PUM3: variants seen among roughly 807,000 people sequenced by gnomAD.
The protein encoded by PUM3 is pumilio homolog 3.
Under a neutral mutation model 84.0 loss-of-function variants are expected in PUM3, and 91 were observed. That is an observed-to-expected ratio of 1.08 (90% CI 0.91 to 1.29). PUM3 has a LOEUF of 1.29. Among genes scored for constraint, PUM3 ranks in the 50% most tolerant of loss-of-function variants. The pLI, the probability that PUM3 is intolerant of heterozygous loss-of-function variation, is 0.00. For missense variants in PUM3, 1,067 were observed against 767.5 expected, an observed-to-expected ratio of 1.39 and a Z score of -4.61; for synonymous variants, 321 against 266.7, an observed-to-expected ratio of 1.20 and a Z score of -1.98.
At position 2,820,819 on chromosome 9, in the gene PUM3, CT is replaced by C. The variant is rs1289509643; in HGVS notation, c.1189-722del. Among the ~76,000 whole-genome samples, 3 of 152,100 alleles carry C rather than the reference CT, an allele frequency of 2.0e-5. No homozygotes were observed. In the East Asian group the frequency reaches 5.8e-4, roughly 29 times the overall value. Reference sequence around the variant, plus strand: ...CACATGTGGCTTTCACAACACTCATCTTTTGAAATAAAATTATTTCCATGAT... The same window carrying C: ...CACATGTGGCTTTCACAACACTCATCTTTGAAATAAAATTATTTCCATGAT... On this transcript the variant is annotated intron_variant, in intron 12 of 17. Coordinates refer to ENST00000397885, the MANE Select transcript of PUM3 (RefSeq NM_014878.5).
At chr9:2,832,489 T>G (rs1332507891) in intron 5 of PUM3, among the ~76,000 whole-genome samples, 1 of 152,134 alleles carries the variant, frequency 6.6e-6, no homozygotes, top group Non-Finnish European at 1.5e-5. Flanking sequence ...AAATAATCAA[T>G]AAAGAAGTTA....
intron 12 of PUM3, among the ~76,000 whole-genome samples, chr9:2,822,458 T>C (rs968213766): frequency 1.3e-5 from 2 of 151,942 alleles, no homozygotes; most frequent in Non-Finnish European, 2.9e-5. Flanking sequence ...TGGGTAACGT[T>C]AGCTTATCAC....
chr9:2,812,173 A>G, intron 14 of PUM3, 47 bp downstream of exon 14: 2 of 1,550,926 alleles, frequency 1.3e-6, no homozygotes, highest in South Asian at 1.1e-5. Flanking sequence ...GCACTACTCA[A>G]CATTAACAGA....
intron 1 of PUM3, among the ~76,000 whole-genome samples, chr9:2,841,714 C>CAAA (rs766046609): frequency 2.9e-4 from 29 of 98,434 alleles, no homozygotes; most frequent in African/African-American, 1.0e-3. Flanking sequence ...TGCTGCAGGC[C>CAAA]AAAAAAAAAA....
intron 17 of PUM3, 90 bp from the exon 18 acceptor site, chr9:2,804,553 T>C: frequency 8.2e-7 from 1 of 1,221,026 alleles, no homozygotes; most frequent in Non-Finnish European, 1.1e-6. Flanking sequence ...CTTTGTTAAC[T>C]GTGACACAAG....
intron 11 of PUM3, 53 bp downstream of exon 11, chr9:2,824,664 A>G: frequency 8.5e-7 from 1 of 1,178,822 alleles, no homozygotes; most frequent in Admixed American, 2.8e-5. Context: ...GCCTGCAGAT[A>G]AAGCATGGCC....
chr9:2,832,969 G>A (rs1188909388), intron 5 of PUM3, among the ~76,000 whole-genome samples: 3 of 152,106 alleles, frequency 2.0e-5, no homozygotes, highest in Non-Finnish European at 4.4e-5. Context: ...AAGCATGGAG[G>A]AAAAGAATGA....
intron 1 of PUM3, 137 bp from the exon 2 acceptor site, chr9:2,838,654 G>C (rs142923194): frequency 9.5e-5 from 55 of 579,724 alleles, no homozygotes; most frequent in African/African-American, 8.8e-4. Flanking sequence ...GAATGGACAA[G>C]TACTTAAATC....
intron 12 of PUM3, among the ~76,000 whole-genome samples, chr9:2,822,718 A>G (rs1185791119): frequency 8.8e-6 from 1 of 113,124 alleles, no homozygotes; most frequent in Non-Finnish European, 1.9e-5. Context: ...AATTATATTT[A>G]TATTTATAAC....
At chr9:2,828,103 A>G (rs1462188674) in intron 9 of PUM3, among the ~76,000 whole-genome samples, 2 of 152,116 alleles carry the variant, frequency 1.3e-5, no homozygotes, top group African/African-American at 4.8e-5. Flanking sequence ...GCAGTGGCAC[A>G]ACCATGGCTC....
Position 2,810,369 on chromosome 9 carries a change from T to A in PUM3, c.1698A>T (p.Lys566Asn). The A allele has an allele frequency of 6.2e-7, 1 of 1,610,800 alleles. No individual in the cohort carries two copies. Among genetic ancestry groups the A allele is most frequent in the Non-Finnish European group, 8.5e-7 (1 of 1,177,490 alleles). The change falls in exon 16 of 18, where the codon AAA becomes AAT. Residue 566 changes from lysine (K) to asparagine (N), a missense_variant. Coordinates refer to ENST00000397885, the MANE Select transcript of PUM3 (RefSeq NM_014878.5). ...LVLKWLIEQD[K>N]KMKENGREGC... is the part of the protein sequence containing the mutation. ...CTTCTCTCCCATTTTCTTTCATCTT[T>A]TTATCTTGCTCTATTAACCACTTCA...
At position 2,828,819 on chromosome 9, in the gene PUM3, C is replaced by G. The variant is rs1267506275; in HGVS notation, c.853-41G>C. 3.6e-6 allele frequency: 4 copies of G among 1,100,926 alleles called. No individual in the cohort carries two copies. In the South Asian group the frequency reaches 5.3e-5, roughly 15 times the overall value. 68.2% of individuals were successfully genotyped at this position (1,100,926 alleles called of 1,614,324 possible). ...ACAATCAAACCCCTCTAAATTTAAT[C>G]AATTTTTTCACTTCAGGAAAAAGAA... On this transcript the variant is annotated intron_variant, in intron 8 of 17. Coordinates refer to ENST00000397885, the MANE Select transcript of PUM3 (RefSeq NM_014878.5).
rs149507045 is a variant in PUM3 at position 2,842,753 on chromosome 9, A to G, written c.-11+1292T>C. Among the ~76,000 whole-genome samples the G allele has an allele frequency of 3.0e-3, 452 of 152,180 alleles. 1 individual carries two copies. Among genetic ancestry groups the G allele is most frequent in the Admixed American group, 3.9e-3 (59 of 15,278 alleles). On this transcript the variant is annotated intron_variant, in intron 1 of 17. Transcript: ENST00000397885. ...TATAACTGCTTATCTGATACCTCTAATTATGTGTCTAACAGGAACCTTACC... is the reference window on the plus strand; with the variant it reads ...TATAACTGCTTATCTGATACCTCTAGTTATGTGTCTAACAGGAACCTTACC...
chr9:2,837,229 T>C lies in PUM3; in HGVS notation c.255A>G (p.Ala85=), dbSNP rs780873612. Residue 85 remains alanine (A), a synonymous_variant, in exon 3 of 18, where the codon GCA becomes GCG. Coordinates refer to ENST00000397885, the MANE Select transcript of PUM3 (RefSeq NM_014878.5). ...DKSPKNKFQP[A]NKFNKKRKFQ... Reference sequence around the variant, plus strand: ...ATTTTCTCTTCTTGTTGAATTTATTTGCCGGCTGGAATTTGTTCTTTGGTG... The same window carrying C: ...ATTTTCTCTTCTTGTTGAATTTATTCGCCGGCTGGAATTTGTTCTTTGGTG... 1.2e-6 allele frequency: 2 copies of C among 1,614,068 alleles called. No homozygotes were observed. The highest frequency in any genetic ancestry group is 3.3e-5 in the Admixed American group (2 of 60,014).
At position 2,835,204 on chromosome 9, in the gene PUM3, G is replaced by A. The variant is rs139665120; in HGVS notation, c.305-1038C>T. On this transcript the variant is annotated intron_variant, in intron 3 of 17. Transcript: ENST00000397885. ...GAAGAAGAAGAATCATTTGAGGCCA[G>A]GAGTTTGAGATCAGCCTGGGCGAAA... Among the ~76,000 whole-genome samples, 823 of 152,278 alleles carry A rather than the reference G, an allele frequency of 5.4e-3. 26 individuals are homozygous for A. The highest frequency in any genetic ancestry group is 0.05 in the Admixed American group (763 of 15,280).
At chr9:2,812,007 T>C (rs1012837556) in intron 14 of PUM3, among the ~76,000 whole-genome samples, 1 of 152,224 alleles carries the variant, frequency 6.6e-6, no homozygotes, top group African/African-American at 2.4e-5. Context: ...GCCTACTATG[T>C]GCCAGGTGCT....
At chr9:2,821,513 T>C (rs934544476) in intron 12 of PUM3, among the ~76,000 whole-genome samples, 2 of 147,914 alleles carry the variant, frequency 1.4e-5, no homozygotes, top group Non-Finnish European at 1.5e-5. Context: ...TGTCTTTAAA[T>C]GTATGAAATA....
chr9:2,814,290 C>A (rs1286729643), intron 13 of PUM3, among the ~76,000 whole-genome samples: 2 of 152,122 alleles, frequency 1.3e-5, no homozygotes, highest in South Asian at 2.1e-4. Context: ...TGGCTCGCTG[C>A]CATCTCTGCC....
At chr9:2,819,239 C>T (rs1821534410) in intron 13 of PUM3, among the ~76,000 whole-genome samples, 2 of 152,138 alleles carry the variant, frequency 1.3e-5, no homozygotes, top group African/African-American at 4.8e-5. Context: ...ATTGTAGAAT[C>T]AGAAAAAGAG....
Sources: gnomAD v4.1 joint callset for allele counts (sites outside exome capture counted in the v4.1 genomes callset) on GRCh38, gnomAD v4.1.1 for gene constraint, MANE v1.5 for transcripts, NCBI Gene and HGNC (gene_info 2026-07-23, HGNC 2026-07-21) for gene names.